Variants in PTGER3 observed in about 807,000 individuals in gnomAD.
PTGER3 encodes prostaglandin E2 receptor EP3 subtype.
In PTGER3, 22 loss-of-function variants were observed where a neutral mutation model predicts 34.7. The ratio of observed to expected loss-of-function variants is 0.63; its 90% CI spans 0.45 to 0.91. PTGER3 has a LOEUF of 0.91. Ranked by LOEUF, PTGER3 falls within the 40% of genes least tolerant of loss-of-function variation. The probability of loss-of-function intolerance (pLI) is 0.00; values close to 1 mark genes in which losing one functional copy is unlikely to be tolerated. For synonymous variants in PTGER3, 241 were observed against 230.1 expected (o/e 1.05, Z -0.43); for missense variants, 468 against 519.4 (o/e 0.90, Z 0.96).
intron 4 of PTGER3, among the ~76,000 whole-genome samples, chr1:70,922,463 A>G (rs760689978): frequency 4.6e-5 from 7 of 152,156 alleles, no homozygotes; most frequent in South Asian, 2.1e-4. Context: ...GGCTCTTACT[A>G]TACAATTTCC....
intron 1 of PTGER3, among the ~76,000 whole-genome samples, chr1:71,042,072 C>A (rs1304828921): frequency 6.6e-6 from 1 of 151,994 alleles, no homozygotes; most frequent in Admixed American, 6.6e-5. Flanking sequence ...GCCAGTGACT[C>A]ACAATTATAT....
chr1:71,010,736 C>A, intron 2 of PTGER3: 1 of 984,984 alleles, frequency 1.0e-6, no homozygotes, highest in Non-Finnish European at 1.2e-6. Context: ...TTAGTAGAAC[C>A]ATCATTAATT....
chr1:70,986,291 T>G (rs1654908547), intron 2 of PTGER3, among the ~76,000 whole-genome samples: 1 of 152,190 alleles, frequency 6.6e-6, no homozygotes, highest in African/African-American at 2.4e-5. Context: ...TTTTTATTCC[T>G]TTACTTTCTT....
At chr1:70,910,139 A>T (rs1647031499) in intron 4 of PTGER3, among the ~76,000 whole-genome samples, 1 of 152,242 alleles carries the variant, frequency 6.6e-6, no homozygotes, top group Non-Finnish European at 1.5e-5. Context: ...TATCATAAGG[A>T]ACTGAAAACA....
chr1:71,007,238 C>T (rs1657049618), intron 2 of PTGER3: 1 of 984,404 alleles, frequency 1.0e-6, no homozygotes, highest in African/African-American at 1.7e-5. Context: ...GTAAATAGTA[C>T]TTACATTCAT....
chr1:70,883,945 C>T (rs1241705382), intron 4 of PTGER3: 2 of 243,490 alleles, frequency 8.2e-6, no homozygotes, highest in Non-Finnish European at 1.7e-5. Context: ...GCCTGCAATT[C>T]CAGCTACTTG....
At chr1:70,884,414 A>AT (rs1646456178) in intron 4 of PTGER3, among the ~76,000 whole-genome samples, 1 of 152,162 alleles carries the variant, frequency 6.6e-6, no homozygotes, top group South Asian at 2.1e-4. Context: ...TAGTCAACTG[A>AT]TTTTGAGTTA....
intron 4 of PTGER3, among the ~76,000 whole-genome samples, chr1:70,928,298 A>T (rs1312255071): frequency 6.6e-6 from 1 of 151,288 alleles, no homozygotes; most frequent in East Asian, 1.9e-4. Flanking sequence ...ATGAGGTTAA[A>T]ATACCTTTGA....
rs1557709078 is a variant in PTGER3, at chr1:70,981,379, CTTTCTTTCT to C, written c.1078-7000_1078-6992del. On this transcript the variant is annotated intron_variant, in intron 2 of 3. Coordinates refer to ENST00000306666, the MANE Select transcript of PTGER3 (RefSeq NM_198719.2). The stretch of plus-strand genomic sequence containing the variant: ...TCTTTCTTTCTTTCTTTCTTTCTTT[CTTTCTTTCT>C]TTCTTTCCTTCCTTCCTTCCTTCCT... Among the ~76,000 whole-genome samples the C allele has an allele frequency of 6.0e-3, 546 of 91,366 alleles. 2 individuals are homozygous for C. The highest frequency in any genetic ancestry group is 6.5e-3 in the Admixed American group (47 of 7,194). The allele number at this position is 91,366 out of a possible 152,430, so 59.9% of individuals were successfully genotyped here.
rs146184942 is a variant in PTGER3 at position 71,002,626 on chromosome 1, G to A, written c.1077+9679C>T. 3.9e-3 allele frequency among the ~76,000 whole-genome samples: 593 copies of A among 152,278 alleles called. 4 individuals are homozygous for A. The highest frequency in any genetic ancestry group is 0.013 in the African/African-American group (537 of 41,550). ...AACGGTCATGGTGTGAGAAAATCTC[G>A]GACAGGGATAAGAGTCATGCATATC... is the stretch of plus-strand genomic sequence containing the variant. On this transcript the variant is annotated intron_variant, in intron 2 of 3. Transcript: ENST00000306666.
chr1:70,952,942 C>A (rs1255599929), exon 4 of PTGER3: 1 of 1,613,048 alleles, frequency 6.2e-7, no homozygotes, highest in South Asian at 1.1e-5. Flanking sequence ...CTGGTGTACA[C>A]ATTAATGCTG....
At position 71,047,756 on chromosome 1, in the gene PTGER3, G is replaced by T; in HGVS notation, c.-179C>A. On this transcript the variant is annotated 5_prime_UTR_variant, in exon 1 of 4. In the 5' UTR this introduces an upstream ATG that the reference lacks. Transcript: ENST00000306666. Reference sequence around the variant, plus strand: ...TGGGACCGCGGCCGCGGCGGCGCCAGGGCTCACTGGCCCGGGAGGGAGCCA... The same window carrying T: ...TGGGACCGCGGCCGCGGCGGCGCCATGGCTCACTGGCCCGGGAGGGAGCCA... The T allele has an allele frequency of 1.8e-6, 1 of 542,068 alleles. No homozygotes were observed. Among genetic ancestry groups the T allele is most frequent in the Non-Finnish European group, 2.7e-6 (1 of 363,662 alleles). 33.6% of individuals were successfully genotyped at this position (542,068 alleles called of 1,614,324 possible).
chr1:70,911,019 GC>G (rs1255947211), intron 4 of PTGER3, among the ~76,000 whole-genome samples: 3 of 151,580 alleles, frequency 2.0e-5, no homozygotes, highest in African/African-American at 7.3e-5. Context: ...GGCAGAGGTT[GC>G]AGTAAGCTGA....
At chr1:70,952,756 C>G (rs1650886712) in exon 4 of PTGER3, 3 of 1,293,130 alleles carry the variant, frequency 2.3e-6, no homozygotes, top group Non-Finnish European at 3.0e-6. Flanking sequence ...CCATGTTTGC[C>G]CAAATGACCT....
At chr1:70,989,909 A>C (rs1161326241) in intron 2 of PTGER3, among the ~76,000 whole-genome samples, 1 of 152,116 alleles carries the variant, frequency 6.6e-6, no homozygotes, top group Non-Finnish European at 1.5e-5. Context: ...GCACACACAC[A>C]CATGCATATA....
chr1:70,907,276 G>A (rs889079609), intron 4 of PTGER3, among the ~76,000 whole-genome samples: 1 of 152,204 alleles, frequency 6.6e-6, no homozygotes, highest in African/African-American at 2.4e-5. Flanking sequence ...TTGGGTTACA[G>A]GATGAAGGGC....
intron 1 of PTGER3, among the ~76,000 whole-genome samples, chr1:71,041,863 G>A (rs1660343450): frequency 6.6e-6 from 1 of 152,172 alleles, no homozygotes; most frequent in African/African-American, 2.4e-5. Context: ...TTTCTGTCCT[G>A]CAATGCAAGG....
At chr1:71,005,011 G>A (rs908721998) in intron 2 of PTGER3, among the ~76,000 whole-genome samples, 1 of 152,234 alleles carries the variant, frequency 6.6e-6, no homozygotes, top group African/African-American at 2.4e-5. Flanking sequence ...CTTTTAAGGA[G>A]TGGTTCCAAC....
At chr1:70,951,598 G>T (rs1183963602), downstream of PTGER3, 1 of 152,160 alleles carries the variant, frequency 6.6e-6, no homozygotes, top group African/African-American at 2.4e-5. Flanking sequence ...CACTGGTAAA[G>T]AAAAGGAAAA....
Sources: gnomAD v4.1 joint callset for allele counts (sites outside exome capture counted in the v4.1 genomes callset) on GRCh38, gnomAD v4.1.1 for gene constraint, MANE v1.5 for transcripts, NCBI Gene and HGNC (gene_info 2026-07-23, HGNC 2026-07-21) for gene names.